ERFL: variants seen among roughly 807,000 people sequenced by gnomAD.
The protein encoded by ERFL is ETS repressor factor like.
In ERFL, 8 loss-of-function variants were observed where a neutral mutation model predicts 27.9. The observed-to-expected ratio is 0.29, with a 90% confidence interval of 0.17 to 0.52. ERFL has a LOEUF of 0.52. Among genes scored for constraint, ERFL ranks in the 20% least tolerant of loss-of-function variants. The probability of loss-of-function intolerance (pLI) is 0.97; values close to 1 mark genes in which losing one functional copy is unlikely to be tolerated. For missense variants in ERFL, 294 were observed against 444.4 expected, an observed-to-expected ratio of 0.66 and a Z score of 3.04; for synonymous variants, 174 against 202.8, an observed-to-expected ratio of 0.86 and a Z score of 1.21.
At chr19:41,924,273 G>A (rs2074859163) in intron 1 of ERFL, among the ~76,000 whole-genome samples, 1 of 152,034 alleles carries the variant, frequency 6.6e-6, no homozygotes, top group South Asian at 2.1e-4. Context: ...GGATGGCTAG[G>A]AGGGCAGTCT....
Position 41,928,141 on chromosome 19 carries a change from C to G in ERFL, c.-115G>C, listed in dbSNP as rs1484912329. On this transcript the variant is annotated 5_prime_UTR_variant, in exon 1 of 6. Coordinates refer to ENST00000597630, the MANE Select transcript of ERFL (RefSeq NM_001365103.2). ...GCGTCCTGGGGAGGGGGCACCGGGG[C>G]GAGGGGCGGGGTGGGGGGAGATGCC... 6.6e-6 allele frequency: 1 copy of G among 151,990 alleles called. No individual in the cohort carries two copies. The highest frequency in any genetic ancestry group is 1.9e-4 in the East Asian group (1 of 5,162). The allele number at this position is 151,990 out of a possible 1,614,324, so 9.4% of individuals were successfully genotyped here.
intron 2 of ERFL, among the ~76,000 whole-genome samples, chr19:41,912,027 C>G (rs561196607): frequency 3.3e-5 from 5 of 152,060 alleles, no homozygotes; most frequent in African/African-American, 9.7e-5. Context: ...CCACACAACC[C>G]GAGACAGACC....
intron 1 of ERFL, 33 bp from the exon 2 acceptor site, chr19:41,912,965 G>T (rs1457115179): frequency 3.5e-5 from 37 of 1,052,174 alleles, no homozygotes; most frequent in Admixed American, 4.3e-5. Context: ...ACGGGGACGG[G>T]GTGGGCAGGA....
Position 41,908,770 on chromosome 19 carries a change from C to T in ERFL, c.617-94G>A. 1 of 603,046 alleles carries T rather than the reference C, an allele frequency of 1.7e-6. No individual in the cohort carries two copies. The highest frequency in any genetic ancestry group is 2.4e-6 in the Non-Finnish European group (1 of 413,436). 37.4% of individuals were successfully genotyped at this position (603,046 alleles called of 1,614,324 possible). Reference sequence around the variant, plus strand: ...CCCTGCCATATCCCACCCCATCTCCCCGCATCCCTCCTACATGGCATCTTA... The same window carrying T: ...CCCTGCCATATCCCACCCCATCTCCTCGCATCCCTCCTACATGGCATCTTA... On this transcript the variant is annotated intron_variant, in intron 5 of 5. Coordinates refer to ENST00000597630, the MANE Select transcript of ERFL (RefSeq NM_001365103.2). The surrounding 1 kb of genome is among the most constrained non-coding windows in gnomAD (Gnocchi z 6.7).
In ERFL at chr19:41,908,065, TGA is replaced by T. The variant is rs1555850814; in HGVS notation, c.*161_*162del. 3.1e-5 allele frequency: 15 copies of T among 480,234 alleles called. No homozygotes were observed. In the Admixed American group the frequency reaches 5.3e-4, roughly 17 times the overall value. The allele number at this position is 480,234 out of a possible 1,614,324, so 29.7% of individuals were successfully genotyped here. On this transcript the variant is annotated 3_prime_UTR_variant, in exon 6 of 6. Transcript: ENST00000597630. The surrounding 1 kb of genome is among the most constrained non-coding windows in gnomAD (Gnocchi z 6.7). ...CCTCTGTCCTCTGTGGAGGGGGAAG[TGA>T]GACCCCCCCCACTCTGGGGCTGGGG...
chr19:41,908,106 C>T lies in ERFL; in HGVS notation c.*122G>A. The T allele has an allele frequency of 1.4e-6, 1 of 711,480 alleles. No individual in the cohort carries two copies. Among genetic ancestry groups the T allele is most frequent in the Non-Finnish European group, 1.9e-6 (1 of 512,982 alleles). 44.1% of individuals were successfully genotyped at this position (711,480 alleles called of 1,614,324 possible). On this transcript the variant is annotated 3_prime_UTR_variant, in exon 6 of 6. Transcript: ENST00000597630. The surrounding 1 kb of genome is among the most constrained non-coding windows in gnomAD (Gnocchi z 6.7). ...CTGGGGCTGGGGAAGGAGACTGGGGCAGCAATGTGCCCAGACCTGGGAGGT... is the reference window on the plus strand; with the variant it reads ...CTGGGGCTGGGGAAGGAGACTGGGGTAGCAATGTGCCCAGACCTGGGAGGT...
chr19:41,914,575 GTCTCTCCCTCCCTTTCCACCA>G (rs2074777113), intron 1 of ERFL, among the ~76,000 whole-genome samples: 3 of 16,490 alleles, frequency 1.8e-4, no homozygotes, highest in Admixed American at 1.5e-3. Flanking sequence ...CTCTGTCTCC[GTCTCTCCCTCCCTTTCCACCA>G]TCTCTGTCTC....
intron 1 of ERFL, among the ~76,000 whole-genome samples, chr19:41,913,374 C>T (rs931690754): frequency 6.6e-6 from 1 of 151,812 alleles, no homozygotes; most frequent in Non-Finnish European, 1.5e-5. Context: ...TCTGGGTCTC[C>T]CTCTGTCTCT....
Position 41,910,108 on chromosome 19 carries a change from G to C in ERFL, c.68-11C>G, listed in dbSNP as rs1318531376. ...CCGGGAAGGCAAACCCTGGGGACGG[G>C]AGGCAGGGAGTGGCCTGGGGTCAGG... is the stretch of plus-strand genomic sequence containing the variant. On this transcript the variant is annotated splice_polypyrimidine_tract_variant and intron_variant, in intron 2 of 5. Transcript: ENST00000597630. The surrounding 1 kb of genome is among the most constrained non-coding windows in gnomAD (Gnocchi z 4.4). 6.2e-7 allele frequency: 1 copy of C among 1,608,448 alleles called. No homozygotes were observed. Among genetic ancestry groups the C allele is most frequent in the Non-Finnish European group, 8.5e-7 (1 of 1,177,702 alleles).
At position 41,916,042 on chromosome 19, in the gene ERFL, G is replaced by A. The variant is rs1408626358; in HGVS notation, c.-13-3110C>T. ...CCCCCCTTCGCCCCCCATCTCTACC[G>A]CCCGCAGCCATGGCACCGAATGTGT... On this transcript the variant is annotated intron_variant, in intron 1 of 5. Transcript: ENST00000597630. The surrounding 1 kb of genome is among the most constrained non-coding windows in gnomAD (Gnocchi z 5.4). Among the ~76,000 whole-genome samples, 1 of 127,824 alleles carries A rather than the reference G, an allele frequency of 7.8e-6. No homozygotes were observed. Among genetic ancestry groups the A allele is most frequent in the Non-Finnish European group, 1.6e-5 (1 of 60,910 alleles). The allele number at this position is 127,824 out of a possible 152,430, so 83.9% of individuals were successfully genotyped here. A position where few individuals can be genotyped will look rare whatever the true frequency, so the allele number is the denominator to read the frequency against.
At chr19:41,920,569 CACAG>C (rs1555852393) in intron 1 of ERFL, among the ~76,000 whole-genome samples, 1 of 151,332 alleles carries the variant, frequency 6.6e-6, no homozygotes, top group African/African-American at 2.5e-5. Flanking sequence ...GTTACGCACT[CACAG>C]ACGTGATGCA....
In ERFL at chr19:41,908,432, G is replaced by A. The variant is rs891170; in HGVS notation, c.861C>T (p.Pro287=). The A allele has an allele frequency of 0.048, 58,919 of 1,231,110 alleles. 13,444 individuals are homozygous for A. In the African/African-American group the frequency reaches 0.61, roughly 13 times the overall value. 76.3% of individuals were successfully genotyped at this position (1,231,110 alleles called of 1,614,324 possible). ...CCGCTGCCAGGCCCGAGGGGCGCTC[G>A]GGGCCCAGGCCCTCCCCTGTCGAGG... The part of the protein sequence containing the change: ...LLASTGEGLG[P]ERPSGLAAAP... Residue 287 remains proline, a synonymous_variant, in exon 6 of 6, where the codon CCC becomes CCT. Transcript: ENST00000597630. This position sits in a 1 kb window ranked among gnomAD's most constrained non-coding sequence, Gnocchi z 6.7.
rs1568831858 is a variant in ERFL, at chr19:41,914,629, GTCTCTGTCTCTCCCTCCCTTTCCACCA to G, written c.-13-1724_-13-1698del. 4.0e-3 allele frequency among the ~76,000 whole-genome samples: 87 copies of G among 21,600 alleles called. 12 individuals are homozygous for G. Among genetic ancestry groups the G allele is most frequent in the Non-Finnish European group, 4.5e-3 (62 of 13,642 alleles). 14.2% of individuals were successfully genotyped at this position (21,600 alleles called of 152,430 possible). A position where few individuals can be genotyped will look rare whatever the true frequency, so the allele number is the denominator to read the frequency against. ...CTCTCCCTCCCCTTCCACCATCTCT[GTCTCTGTCTCTCCCTCCCTTTCCACCA>G]TCTCTGTCTCTCCCTCCCCTTCCAC... On this transcript the variant is annotated intron_variant, in intron 1 of 5. Coordinates refer to ENST00000597630, the MANE Select transcript of ERFL (RefSeq NM_001365103.2).
At chr19:41,911,793 A>G (rs1349170979) in intron 2 of ERFL, among the ~76,000 whole-genome samples, 2 of 152,138 alleles carry the variant, frequency 1.3e-5, no homozygotes, top group Non-Finnish European at 2.9e-5. Flanking sequence ...ATCTGTCCTC[A>G]AATGCACACC....
intron 2 of ERFL, among the ~76,000 whole-genome samples, chr19:41,912,261 C>T (rs2074756994): frequency 6.6e-6 from 1 of 152,194 alleles, no homozygotes; most frequent in African/African-American, 2.4e-5. Flanking sequence ...GACACAGGGA[C>T]ACACTGAAAT....
chr19:41,927,274 G>A (rs1288010507), intron 1 of ERFL, among the ~76,000 whole-genome samples: 4 of 152,054 alleles, frequency 2.6e-5, no homozygotes, highest in African/African-American at 2.4e-5. Context: ...AGAGGGCCCC[G>A]GCCCCACGAA....
intron 1 of ERFL, among the ~76,000 whole-genome samples, chr19:41,927,269 G>A (rs2074877225): frequency 6.6e-6 from 1 of 152,096 alleles, no homozygotes; most frequent in African/African-American, 2.4e-5. Flanking sequence ...GTCCCAGAGG[G>A]CCCCGGCCCC....
Position 41,909,026 on chromosome 19 carries a change from T to G in ERFL, c.616+34A>C. 5 of 1,173,702 alleles carry G rather than the reference T, an allele frequency of 4.3e-6. No individual in the cohort carries two copies. The highest frequency in any genetic ancestry group is 5.3e-6 in the Non-Finnish European group (5 of 935,592). 72.7% of individuals were successfully genotyped at this position (1,173,702 alleles called of 1,614,324 possible). ...CTCAAGCCTGCAGCTTCTCCCACTG[T>G]GCCCCCAGCACCCCAGAACCTCCAG... On this transcript the variant is annotated intron_variant, in intron 5 of 5. Transcript: ENST00000597630. The surrounding 1 kb of genome is among the most constrained non-coding windows in gnomAD (Gnocchi z 5.2).
chr19:41,914,050 C>A (rs1213858183), intron 1 of ERFL, among the ~76,000 whole-genome samples: 5 of 138,856 alleles, frequency 3.6e-5, no homozygotes, highest in African/African-American at 1.4e-4. Context: ...CCTGGCAGCC[C>A]ACACTGTGTT....
Sources: gnomAD v4.1 joint callset for allele counts (sites outside exome capture counted in the v4.1 genomes callset) on GRCh38, gnomAD v4.1.1 for gene constraint, Gnocchi (gnomAD v3.1) non-coding constraint, MANE v1.5 for transcripts, NCBI Gene and HGNC (gene_info 2026-07-23, HGNC 2026-07-21) for gene names.